The following RNF150 variants were observed in gnomAD, a reference collection of about 807,000 sequenced individuals.
RNF150 encodes the protein ring finger protein 150.
RNF150 carries 24 observed loss-of-function variants against 39.3 expected under a neutral mutation model. The ratio of observed to expected loss-of-function variants is 0.61; its 90% CI spans 0.44 to 0.86. RNF150 has a LOEUF of 0.86. Ranked by LOEUF, RNF150 falls within the 40% of genes least tolerant of loss-of-function variation. The probability of loss-of-function intolerance (pLI) is 0.00; values close to 1 mark genes in which losing one functional copy is unlikely to be tolerated. For missense variants in RNF150, 502 were observed against 587.8 expected, an observed-to-expected ratio of 0.85 and a Z score of 1.51; for synonymous variants, 255 against 227.3, an observed-to-expected ratio of 1.12 and a Z score of -1.10.
chr4:141,063,809 T>A (rs980429452), intron 1 of RNF150, among the ~76,000 whole-genome samples: 3 of 152,170 alleles, frequency 2.0e-5, no homozygotes, highest in African/African-American at 7.2e-5. Flanking sequence ...CGTATGTGTG[T>A]GTGTCTGTGC....
chr4:140,912,959 T>TAAAA (rs10616886), intron 5 of RNF150, among the ~76,000 whole-genome samples: 160 of 138,114 alleles, frequency 1.2e-3, no homozygotes, highest in African/African-American at 4.2e-3. Flanking sequence ...CATCAGAACA[T>TAAAA]AAAAAAAAAA....
chr4:141,038,681 A>G (rs1578658202), intron 1 of RNF150, among the ~76,000 whole-genome samples: 1 of 150,990 alleles, frequency 6.6e-6, no homozygotes, highest in East Asian at 1.9e-4. Context: ...AGACAGCAAG[A>G]CCCTCCCTCA....
chr4:141,149,236 C>CT (rs909200716), intron 1 of RNF150, among the ~76,000 whole-genome samples: 51 of 149,376 alleles, frequency 3.4e-4, no homozygotes, highest in African/African-American at 1.0e-3. Context: ...AAGGCCCTCA[C>CT]TTTTTTTTTT....
At chr4:141,177,172 CA>C (rs1372131942) in intron 1 of RNF150, among the ~76,000 whole-genome samples, 1 of 151,934 alleles carries the variant, frequency 6.6e-6, no homozygotes, top group African/African-American at 2.4e-5. Flanking sequence ...TTCCAGGCTA[CA>C]GTGAGCAGTA....
intron 1 of RNF150, among the ~76,000 whole-genome samples, chr4:141,154,400 G>A (rs4956350): frequency 0.53 from 80,859 of 152,126 alleles, 21,781 homozygotes; most frequent in East Asian, 0.81. Context: ...GTGCCTGTGT[G>A]GCACAATGCT....
chr4:140,963,960 G>A (rs1309195560), intron 2 of RNF150, among the ~76,000 whole-genome samples: 1 of 151,760 alleles, frequency 6.6e-6, no homozygotes, highest in Non-Finnish European at 1.5e-5. Context: ...ATAAAATGAA[G>A]AAATGATAAA....
intron 6 of RNF150, among the ~76,000 whole-genome samples, chr4:140,902,382 C>T (rs933077487): frequency 6.6e-6 from 1 of 152,260 alleles, no homozygotes; most frequent in African/African-American, 2.4e-5. Flanking sequence ...AATGCAAATA[C>T]AGCATGAAAA....
chr4:141,170,659 C>A (rs1243207725), intron 1 of RNF150, among the ~76,000 whole-genome samples: 1 of 152,030 alleles, frequency 6.6e-6, no homozygotes, highest in African/African-American at 2.4e-5. Context: ...ATTATACATC[C>A]ATTATAGTGG....
intron 1 of RNF150, among the ~76,000 whole-genome samples, chr4:141,176,913 C>A (rs1017358129): frequency 4.6e-5 from 7 of 152,168 alleles, no homozygotes; most frequent in Admixed American, 3.3e-4. Context: ...GATTACAATG[C>A]TCACTTTAAA....
intron 4 of RNF150, among the ~76,000 whole-genome samples, chr4:140,941,215 A>G (rs1364267984): frequency 6.6e-6 from 1 of 152,208 alleles, no homozygotes; most frequent in Non-Finnish European, 1.5e-5. Flanking sequence ...GAGTATCTAC[A>G]ATATAAAAAC....
intron 1 of RNF150, among the ~76,000 whole-genome samples, chr4:140,975,406 G>C (rs1733626522): frequency 6.6e-6 from 1 of 152,100 alleles, no homozygotes; most frequent in Non-Finnish European, 1.5e-5. Flanking sequence ...GGTGGTCCTG[G>C]AACCAATCCC....
chr4:140,947,445 G>C (rs1578993909), intron 4 of RNF150, among the ~76,000 whole-genome samples: 2 of 152,110 alleles, frequency 1.3e-5, no homozygotes, highest in East Asian at 1.9e-4. Flanking sequence ...AAGGGGATAG[G>C]GGATCAGAAA....
intron 4 of RNF150, among the ~76,000 whole-genome samples, chr4:140,945,491 TTA>T (rs1288705054): frequency 2.0e-5 from 3 of 149,736 alleles, no homozygotes; most frequent in Non-Finnish European, 3.0e-5. Context: ...TCTCTAGCAA[TTA>T]TATATATATA....
intron 1 of RNF150, among the ~76,000 whole-genome samples, chr4:140,998,896 A>G (rs1734478427): frequency 6.6e-6 from 1 of 150,738 alleles, no homozygotes; most frequent in South Asian, 2.1e-4. Flanking sequence ...TAGCTTCCAA[A>G]AATAGTGAGC....
At chr4:140,935,154 G>A (rs898448534) in intron 4 of RNF150, among the ~76,000 whole-genome samples, 9 of 147,176 alleles carry the variant, frequency 6.1e-5, no homozygotes, top group East Asian at 4.0e-4. Flanking sequence ...TCTGCATTGC[G>A]TTAGATTTAT....
intron 1 of RNF150, among the ~76,000 whole-genome samples, chr4:141,081,523 T>G (rs954486776): frequency 9.2e-5 from 14 of 152,214 alleles, no homozygotes; most frequent in Non-Finnish European, 2.1e-4. Flanking sequence ...GCTTTACATT[T>G]ACAAAATTTC....
chr4:141,132,208 G>T lies in RNF150; in HGVS notation c.484+117C>A, dbSNP rs533478486. The stretch of plus-strand genomic sequence containing the variant: ...AAACTTAATCGGTCCAGGGAACCCA[G>T]ACACGTCTTCCGCGCCGCACGGACT... On this transcript the variant is annotated intron_variant, in intron 1 of 6. Transcript: ENST00000515673. The surrounding 1 kb of genome is among the most constrained non-coding windows in gnomAD (Gnocchi z 4.9). 8.9e-5 allele frequency: 97 copies of T among 1,088,810 alleles called. No homozygotes were observed. Among genetic ancestry groups the T allele is most frequent in the Non-Finnish European group, 1.2e-4 (89 of 758,286 alleles). The allele number at this position is 1,088,810 out of a possible 1,614,324, so 67.4% of individuals were successfully genotyped here. A position where few individuals can be genotyped will look rare whatever the true frequency, so the allele number is the denominator to read the frequency against.
chr4:141,067,435 T>C (rs1737505040), intron 1 of RNF150, among the ~76,000 whole-genome samples: 1 of 152,184 alleles, frequency 6.6e-6, no homozygotes. Context: ...TGCCAGGGTA[T>C]TCCTTGGACT....
intron 5 of RNF150, among the ~76,000 whole-genome samples, chr4:140,921,153 A>T (rs1206950700): frequency 1.5e-5 from 2 of 137,482 alleles, no homozygotes; most frequent in African/African-American, 2.7e-5. Flanking sequence ...CACATTGTGC[A>T]CATGTACCCT....
Sources: allele counts gnomAD v4.1 joint callset (sites outside exome capture counted in the v4.1 genomes callset), GRCh38; gene constraint gnomAD v4.1.1; non-coding constraint Gnocchi (gnomAD v3.1); transcripts MANE v1.5; gene names NCBI Gene and HGNC (gene_info 2026-07-23, HGNC 2026-07-21).